ENOX2: variants seen among roughly 807,000 people sequenced by gnomAD.
The protein encoded by ENOX2 is ecto-NOX disulfide-thiol exchanger 2, also known as APK1 antigen.
In ENOX2, 36 loss-of-function variants were observed where a neutral mutation model predicts 45.0. The observed-to-expected ratio is 0.80, with a 90% CI of 0.61 to 1.06. The LOEUF (loss-of-function observed/expected upper bound fraction) is 1.06, where lower values mean the gene tolerates loss of function less well. Among genes scored for constraint, ENOX2 ranks in the 50% least tolerant of loss-of-function variants. The probability of loss-of-function intolerance (pLI) is 0.00; values close to 1 mark genes in which losing one functional copy is unlikely to be tolerated. For missense variants in ENOX2, 423 were observed against 462.5 expected, an observed-to-expected ratio of 0.91 and a Z score of 0.78; for synonymous variants, 174 against 152.3, an observed-to-expected ratio of 1.14 and a Z score of -1.05.
intron 3 of ENOX2, among the ~76,000 whole-genome samples, chrX:130,747,760 T>C (rs370471956): frequency 8.9e-6 from 1 of 112,410 alleles, no homozygotes; most frequent in African/African-American, 3.2e-5. Flanking sequence ...TAATAAAGAT[T>C]TGCAGCAATG....
chrX:130,850,404 T>C (rs1159565688), intron 2 of ENOX2, among the ~76,000 whole-genome samples: 1 of 112,058 alleles, frequency 8.9e-6, no homozygotes, highest in Non-Finnish European at 1.9e-5. Context: ...TTATTAATCA[T>C]GTTCACTGAA....
chrX:130,883,748 C>T (rs766006003), intron 2 of ENOX2, among the ~76,000 whole-genome samples: 40 of 111,055 alleles, frequency 3.6e-4, no homozygotes, highest in African/African-American at 1.3e-3. Flanking sequence ...CTCTAAAACA[C>T]GCTCATAGGT....
chrX:130,627,172 C>G (rs1475828226), intron 14 of ENOX2, among the ~76,000 whole-genome samples: 1 of 110,950 alleles, frequency 9.0e-6, no homozygotes, highest in East Asian at 2.8e-4. Flanking sequence ...TTTTTTGGCA[C>G]CTGCCTCCCT....
chrX:130,753,849 A>G (rs748038696), intron 3 of ENOX2, among the ~76,000 whole-genome samples: 1 of 110,942 alleles, frequency 9.0e-6, no homozygotes, highest in South Asian at 3.8e-4. Flanking sequence ...TGATATACTG[A>G]TTTCTTTTTC....
intron 2 of ENOX2, among the ~76,000 whole-genome samples, chrX:130,812,854 G>A (rs1035710001): frequency 1.2e-4 from 13 of 111,340 alleles, no homozygotes; most frequent in Non-Finnish European, 2.3e-4. Flanking sequence ...AGCATCCTGA[G>A]CAAAAAGAAC....
intron 3 of ENOX2, among the ~76,000 whole-genome samples, chrX:130,735,470 A>G (rs1280633052): frequency 1.8e-5 from 2 of 111,987 alleles, no homozygotes; most frequent in Non-Finnish European, 3.8e-5. Flanking sequence ...CCATGAGGGA[A>G]GGTGACCTCC....
intron 2 of ENOX2, among the ~76,000 whole-genome samples, chrX:130,845,822 T>C (rs1402031934): frequency 8.9e-6 from 1 of 112,398 alleles, no homozygotes; most frequent in Non-Finnish European, 1.9e-5. Flanking sequence ...GAAGTGGTTA[T>C]GCTTCGGTAA....
chrX:130,879,746 C>T (rs780386113), intron 2 of ENOX2, among the ~76,000 whole-genome samples: 1 of 111,746 alleles, frequency 8.9e-6, no homozygotes, highest in South Asian at 3.8e-4. Context: ...ACATATTTCC[C>T]TTCTTCTCTA....
intron 13 of ENOX2, 21 bp downstream of exon 13, chrX:130,631,447 T>C (rs2035712989): frequency 1.1e-6 from 1 of 895,812 alleles, no homozygotes; most frequent in African/African-American, 2.0e-5. Flanking sequence ...GTACGTGGCA[T>C]GTGTGCATTA....
At chrX:130,751,172 A>C (rs1306491362) in intron 3 of ENOX2, among the ~76,000 whole-genome samples, 1 of 111,675 alleles carries the variant, frequency 9.0e-6, no homozygotes, top group Middle Eastern at 4.2e-3. Flanking sequence ...CCAAAAGAAA[A>C]GCCTGTACTC....
chrX:130,711,713 G>A (rs1266528338), intron 3 of ENOX2, among the ~76,000 whole-genome samples: 1 of 111,507 alleles, frequency 9.0e-6, no homozygotes, highest in African/African-American at 3.3e-5. Context: ...TCAGCATAGC[G>A]GGTGCTTTCA....
At chrX:130,724,420 T>C (rs1354526594) in intron 3 of ENOX2, among the ~76,000 whole-genome samples, 1 of 112,847 alleles carries the variant, frequency 8.9e-6, no homozygotes, top group Non-Finnish European at 1.9e-5. Flanking sequence ...TGGGCATGTA[T>C]GTCGGAGCGA....
At chrX:130,817,374 T>C (rs1403525980) in intron 2 of ENOX2, among the ~76,000 whole-genome samples, 5 of 111,939 alleles carry the variant, frequency 4.5e-5, no homozygotes, top group Non-Finnish European at 5.6e-5. Flanking sequence ...TCTGTAACTA[T>C]TCCAAACAAC....
chrX:130,755,823 T>C (rs968008817), intron 3 of ENOX2, among the ~76,000 whole-genome samples: 17 of 110,651 alleles, frequency 1.5e-4, no homozygotes, highest in African/African-American at 5.6e-4. Context: ...TACTAGGTCT[T>C]ATTCATTCTT....
intron 2 of ENOX2, among the ~76,000 whole-genome samples, chrX:130,799,703 C>A (rs2077186887): frequency 9.0e-6 from 1 of 111,220 alleles, no homozygotes. Flanking sequence ...GAAAGAAAAG[C>A]TTAGATGGAA....
rs950406989 is a variant in ENOX2, at chrX:130,688,777, C to T, written c.253+86G>A. The T allele has an allele frequency of 1.0e-5, 8 of 766,925 alleles. No individual in the cohort carries two copies. The Admixed American group carries it at 2.5e-4, about 24-fold the overall frequency. The allele number at this position is 766,925 out of a possible 1,213,427, so 63.2% of individuals were successfully genotyped here. A position where few individuals can be genotyped will look rare whatever the true frequency, so the allele number is the denominator to read the frequency against. On this transcript the variant is annotated intron_variant, in intron 5 of 14. Coordinates refer to ENST00000394363, the MANE Select transcript of ENOX2 (RefSeq NM_006375.4). ...AGCTTTCGTACAAACATCTATGAAG[C>T]CCTTGGGTATTCTTTTGAGAAAGAA...
intron 5 of ENOX2, 98 bp from the exon 6 acceptor site, chrX:130,679,846 G>A: frequency 3.2e-6 from 2 of 628,797 alleles, no homozygotes; most frequent in Non-Finnish European, 5.1e-6. Context: ...TCAAACTTTT[G>A]TCTAAGAGTG....
chrX:130,864,910 A>T (rs1375783682), intron 2 of ENOX2, among the ~76,000 whole-genome samples: 1 of 111,023 alleles, frequency 9.0e-6, no homozygotes, highest in African/African-American at 3.3e-5. Context: ...TACTTGGGAG[A>T]CTGAGGCACG....
At chrX:130,875,709 A>T (rs2078685559) in intron 2 of ENOX2, among the ~76,000 whole-genome samples, 2 of 111,790 alleles carry the variant, frequency 1.8e-5, no homozygotes, top group African/African-American at 6.5e-5. Flanking sequence ...CTTAGAAAAC[A>T]TGAAAGTGAA....
Sources: gnomAD v4.1 joint callset for allele counts (sites outside exome capture counted in the v4.1 genomes callset) on GRCh38, gnomAD v4.1.1 for gene constraint, MANE v1.5 for transcripts, NCBI Gene and HGNC (gene_info 2026-07-23, HGNC 2026-07-21) for gene names.